The following PRDM11 variants were observed in gnomAD, a reference collection of about 807,000 sequenced individuals.
The protein encoded by PRDM11 is PR domain-containing protein 11.
A neutral mutation model predicts 97.8 loss-of-function variants in PRDM11; 20 were observed. The ratio of observed to expected loss-of-function variants is 0.20; its 90% CI spans 0.14 to 0.30. PRDM11 has a LOEUF of 0.30. Among genes scored for constraint, PRDM11 ranks in the 10% least tolerant of loss-of-function variants. The pLI is 1.00. For synonymous variants in PRDM11, 599 were observed against 637.7 expected (o/e 0.94, Z 0.91); for missense variants, 1,139 against 1,555.2 (o/e 0.73, Z 4.50).
chr11:45,182,424 A>G, intron 3 of PRDM11, 75 bp downstream of exon 3: 1 of 1,344,054 alleles, frequency 7.4e-7, no homozygotes, highest in Non-Finnish European at 1.0e-6. Context: ...GGAATTCACA[A>G]CAATGCTACT....
At chr11:45,109,704 G>A (rs940245167) in intron 1 of PRDM11, among the ~76,000 whole-genome samples, 15 of 152,184 alleles carry the variant, frequency 9.9e-5, no homozygotes, top group African/African-American at 3.6e-4. Context: ...GGAAAGCAGG[G>A]CCTGCTTATC....
At chr11:45,101,507 G>A (rs1167946655) in intron 1 of PRDM11, among the ~76,000 whole-genome samples, 1 of 148,204 alleles carries the variant, frequency 6.7e-6, no homozygotes. Context: ...AGTGAGGTGA[G>A]ATTGCACTAC....
chr11:45,217,198 AATCTC>A (rs1853980968), intron 5 of PRDM11, among the ~76,000 whole-genome samples: 1 of 152,238 alleles, frequency 6.6e-6, no homozygotes, highest in African/African-American at 2.4e-5. Context: ...ATTCAGAAGA[AATCTC>A]AGCTATGGAG....
rs376189994 is a variant in PRDM11 at position 45,123,187 on chromosome 11, GTTGT to G, written c.96+27291_96+27294del. Among the ~76,000 whole-genome samples, 128 of 152,262 alleles carry G rather than the reference GTTGT, an allele frequency of 8.4e-4. 1 individual carries two copies. The South Asian group carries it at 0.015, about 18-fold the overall frequency. On this transcript the variant is annotated intron_variant, in intron 1 of 6. Transcript: ENST00000530656. ...TATCCTCCCCCCACTTTTTGATAGG[GTTGT>G]TTGTCTTTTTCTTGTAAATTTGTTT...
chr11:45,099,211 G>C (rs1487801646), intron 1 of PRDM11, among the ~76,000 whole-genome samples: 1 of 152,060 alleles, frequency 6.6e-6, no homozygotes, highest in Non-Finnish European at 1.5e-5. Flanking sequence ...CTAGCACTTT[G>C]GGAGGCTGAG....
chr11:45,107,422 G>C (rs1280129437), intron 1 of PRDM11, among the ~76,000 whole-genome samples: 1 of 152,218 alleles, frequency 6.6e-6, no homozygotes, highest in Non-Finnish European at 1.5e-5. Flanking sequence ...AACGACCCTT[G>C]AGAACCTCTT....
intron 5 of PRDM11, chr11:45,213,209 A>C (rs1350092883): frequency 2.2e-6 from 1 of 456,418 alleles, no homozygotes; most frequent in African/African-American, 2.0e-5. Flanking sequence ...GGTCTAACAG[A>C]GCATGTATTC....
chr11:45,224,922 G>A lies in PRDM11; in HGVS notation c.1369+79G>A. The A allele has an allele frequency of 1.9e-6, 3 of 1,598,680 alleles. No homozygotes were observed. In the South Asian group the frequency reaches 3.3e-5, roughly 18 times the overall value. ...TGTGGAGGGTAGCCTAAAGCTCTCT[G>A]TGGAAACCACCTTCCGGGAGACCTG... On this transcript the variant is annotated intron_variant, in intron 7 of 7. Transcript: ENST00000683152.
chr11:45,099,896 T>A (rs1851943565), intron 1 of PRDM11, among the ~76,000 whole-genome samples: 1 of 151,960 alleles, frequency 6.6e-6, no homozygotes, highest in African/African-American at 2.4e-5. Context: ...CAGTTACTCT[T>A]ACTTCACCCG....
intron 5 of PRDM11, among the ~76,000 whole-genome samples, chr11:45,211,902 C>G (rs1853750999): frequency 6.6e-6 from 1 of 152,136 alleles, no homozygotes; most frequent in Non-Finnish European, 1.5e-5. Context: ...AAAAAGTGTG[C>G]AGATTCCAGC....
intron 1 of PRDM11, chr11:45,096,037 G>A: frequency 1.5e-6 from 1 of 674,916 alleles, no homozygotes; most frequent in Non-Finnish European, 2.7e-6. Context: ...AGCCCGCATT[G>A]TCCTTTCTGT....
At chr11:45,110,406 G>C (rs907559267) in intron 1 of PRDM11, among the ~76,000 whole-genome samples, 2 of 152,176 alleles carry the variant, frequency 1.3e-5, no homozygotes. Context: ...GGGGCATTTA[G>C]ATAGCATTAC....
chr11:45,116,592 T>A (rs1431810324), intron 1 of PRDM11, among the ~76,000 whole-genome samples: 1 of 152,234 alleles, frequency 6.6e-6, no homozygotes, highest in Non-Finnish European at 1.5e-5. Flanking sequence ...TTGGACTGAA[T>A]AATAACGAAA....
chr11:45,140,431 C>A (rs917042537), intron 1 of PRDM11, among the ~76,000 whole-genome samples: 3 of 152,206 alleles, frequency 2.0e-5, no homozygotes, highest in Non-Finnish European at 4.4e-5. Context: ...GTGCTCTCCA[C>A]CAGCAATGTG....
upstream of PRDM11, among the ~76,000 whole-genome samples, chr11:45,144,929 T>G (rs536196296): frequency 6.6e-6 from 1 of 152,300 alleles, no homozygotes; most frequent in Non-Finnish European, 1.5e-5. Flanking sequence ...CTTCATCTCT[T>G]GGGCAGACCA....
intron 1 of PRDM11, among the ~76,000 whole-genome samples, chr11:45,106,970 A>G (rs1852072819): frequency 6.6e-6 from 1 of 152,230 alleles, no homozygotes; most frequent in African/African-American, 2.4e-5. Context: ...AACAAAGTCC[A>G]GGCTTTGTGG....
intron 1 of PRDM11, among the ~76,000 whole-genome samples, chr11:45,103,160 C>T (rs929244662): frequency 5.9e-5 from 9 of 152,176 alleles, no homozygotes; most frequent in African/African-American, 2.2e-4. Flanking sequence ...CTGGACAGGA[C>T]TCAGGATGGT....
intron 1 of PRDM11, among the ~76,000 whole-genome samples, chr11:45,178,825 C>T (rs1852395739): frequency 6.6e-6 from 1 of 152,304 alleles, no homozygotes; most frequent in Admixed American, 6.5e-5. Context: ...TAGTCTTGGC[C>T]CTGGTGCCAG....
chr11:45,135,128 A>ACT (rs58588988), intron 1 of PRDM11, among the ~76,000 whole-genome samples: 8,655 of 148,866 alleles, frequency 0.058, 332 homozygotes, highest in Non-Finnish European at 0.089. Context: ...TTTTAATTAT[A>ACT]CTCTCTCTCT....
Sources: allele counts gnomAD v4.1 joint callset (sites outside exome capture counted in the v4.1 genomes callset), GRCh38; gene constraint gnomAD v4.1.1; transcripts MANE v1.5; gene names NCBI Gene and HGNC (gene_info 2026-07-23, HGNC 2026-07-21).